Variants in B3GNT3 observed in about 807,000 individuals in gnomAD.
The protein encoded by B3GNT3 is N-acetyllactosaminide beta-1,3-N-acetylglucosaminyltransferase 3.
B3GNT3 carries 7 observed loss-of-function variants against 11.6 expected under a neutral mutation model. The observed-to-expected ratio is 0.60, with a 90% CI of 0.34 to 1.13. B3GNT3 has a LOEUF of 1.13. Ranked by LOEUF, B3GNT3 falls within the 50% of genes most tolerant of loss-of-function variation. The probability of loss-of-function intolerance (pLI) is 0.03; values close to 1 mark genes in which losing one functional copy is unlikely to be tolerated. For missense variants in B3GNT3, 400 were observed against 507.4 expected, an observed-to-expected ratio of 0.79 and a Z score of 2.03; for synonymous variants, 201 against 222.1, an observed-to-expected ratio of 0.90 and a Z score of 0.85.
In B3GNT3 at chr19:17,812,074, G is replaced by A. The variant is rs1280318561; in HGVS notation, c.1071G>A (p.Ala357=). The change falls in exon 3 of 3, where the codon GCG becomes GCA. Residue 357 remains alanine, a synonymous_variant. Coordinates refer to ENST00000318683, the MANE Select transcript of B3GNT3 (RefSeq NM_014256.4). The part of the protein sequence containing the change: ...LPYEMLLMWD[A]LNQPNLTCGN... ...ATGAGATGCTGCTCATGTGGGATGC[G>A]CTGAACCAGCCCAACCTCACCTGCG... The A allele has an allele frequency of 1.3e-5, 21 of 1,598,502 alleles. No homozygotes were observed. Among genetic ancestry groups the A allele is most frequent in the Admixed American group, 3.3e-5 (2 of 59,980 alleles).
chr19:17,807,509 CAA>C (rs57567496), intron 1 of B3GNT3, among the ~76,000 whole-genome samples: 1 of 126,306 alleles, frequency 7.9e-6, no homozygotes. Context: ...GACGCTGTCT[CAA>C]AAAAAAAAAA....
At chr19:17,795,580 G>C (rs2094158664) in intron 1 of B3GNT3, among the ~76,000 whole-genome samples, 1 of 152,204 alleles carries the variant, frequency 6.6e-6, no homozygotes. Context: ...GAGTATCTGG[G>C]CAAGCCAGCG....
At chr19:17,800,100 C>T (rs756471353) in intron 1 of B3GNT3, among the ~76,000 whole-genome samples, 3 of 152,166 alleles carry the variant, frequency 2.0e-5, no homozygotes, top group East Asian at 3.9e-4. Flanking sequence ...TGAGACTGGG[C>T]GCAGTGGCTC....
In B3GNT3 at chr19:17,811,988, C is replaced by T. The variant is rs765094386; in HGVS notation, c.985C>T (p.Leu329=). 9 of 1,603,266 alleles carry T rather than the reference C, an allele frequency of 5.6e-6. No individual in the cohort carries two copies. Among genetic ancestry groups the T allele is most frequent in the Non-Finnish European group, 7.6e-6 (9 of 1,179,982 alleles). Residue 329 remains leucine, a synonymous_variant, in exon 3 of 3, where the codon CTG becomes TTG. Coordinates refer to ENST00000318683, the MANE Select transcript of B3GNT3 (RefSeq NM_014256.4). This position sits in a 1 kb window ranked among gnomAD's most constrained non-coding sequence, Gnocchi z 4.1. ...TSGVRAPSQR[L]SSFDPCFYRD... ...TGGCGTGCGGGCTCCATCGCAACGC[C>T]TGTCCTCCTTTGACCCCTGCTTCTA...
At chr19:17,807,570 C>T (rs1208178597) in intron 1 of B3GNT3, among the ~76,000 whole-genome samples, 188 bp from the exon 2 acceptor site, 1 of 151,298 alleles carries the variant, frequency 6.6e-6, no homozygotes, top group African/African-American at 2.4e-5. Flanking sequence ...AGGGCCAGGG[C>T]ACCTGTCAGA....
chr19:17,802,097 A>C (rs1036661729), intron 1 of B3GNT3, among the ~76,000 whole-genome samples: 5 of 151,580 alleles, frequency 3.3e-5, no homozygotes, highest in Non-Finnish European at 7.4e-5. Context: ...CCAAAAAAAA[A>C]AAAAAATCAT....
In B3GNT3 at chr19:17,811,155, AATGAACTATG is replaced by A. The variant is rs1310468983; in HGVS notation, c.568-413_568-404del. Among the ~76,000 whole-genome samples, 1 of 152,160 alleles carries A rather than the reference AATGAACTATG, an allele frequency of 6.6e-6. No homozygotes were observed. Among genetic ancestry groups the A allele is most frequent in the Admixed American group, 6.6e-5 (1 of 15,264 alleles). On this transcript the variant is annotated intron_variant, in intron 2 of 2. Transcript: ENST00000318683. This position sits in a 1 kb window ranked among gnomAD's most constrained non-coding sequence, Gnocchi z 4.1. Reference sequence around the variant, plus strand: ...CCTGAGCCCGGGAATTTGAGGCTGCAATGAACTATGATCATAGCGCTACACTCTAGCCTGG... The same window carrying A: ...CCTGAGCCCGGGAATTTGAGGCTGCAATCATAGCGCTACACTCTAGCCTGG...
intron 2 of B3GNT3, among the ~76,000 whole-genome samples, chr19:17,809,837 C>A (rs1207474594): frequency 1.3e-5 from 2 of 151,944 alleles, no homozygotes; most frequent in Non-Finnish European, 2.9e-5. Context: ...CTCTAAGAAC[C>A]CCTCCTAGGT....
In B3GNT3 at chr19:17,811,549, G is replaced by A. The variant is rs773894534; in HGVS notation, c.568-22G>A. 6.3e-7 allele frequency: 1 copy of A among 1,595,092 alleles called. No individual in the cohort carries two copies. The highest frequency in any genetic ancestry group is 8.6e-7 in the Non-Finnish European group (1 of 1,169,356). On this transcript the variant is annotated intron_variant, in intron 2 of 2. Coordinates refer to ENST00000318683, the MANE Select transcript of B3GNT3 (RefSeq NM_014256.4). This position sits in a 1 kb window ranked among gnomAD's most constrained non-coding sequence, Gnocchi z 4.1. ...ATTTCTCCAGCCCTCAAGCAAGCAT[G>A]CCCTGTCCACCCTGCCTGCAGGTCC...
rs1169164399 is a variant in B3GNT3 at position 17,813,507 on chromosome 19, C to CTGATAGA, written c.*1386_*1387insGATAGAT. The stretch of plus-strand genomic sequence containing the variant: ...GGAATTTCTATCAGGCAGATCTGAC[C>CTGATAGA]TCATCCCACCCACCCCCTGCTCAGA... On this transcript the variant is annotated 3_prime_UTR_variant, in exon 3 of 3. Coordinates refer to ENST00000318683, the MANE Select transcript of B3GNT3 (RefSeq NM_014256.4). 3.1e-3 allele frequency among the ~76,000 whole-genome samples: 474 copies of CTGATAGA among 152,160 alleles called. 3 individuals carry two copies. Among genetic ancestry groups the CTGATAGA allele is most frequent in the African/African-American group, 0.011 (442 of 41,522 alleles).
chr19:17,799,517 C>T (rs2094163427), intron 1 of B3GNT3, among the ~76,000 whole-genome samples: 1 of 152,086 alleles, frequency 6.6e-6, no homozygotes, highest in Non-Finnish European at 1.5e-5. Flanking sequence ...ATTCGCCCGC[C>T]TCTGCCTCCC....
chr19:17,808,635 A>T (rs1203204835), intron 2 of B3GNT3, among the ~76,000 whole-genome samples: 1 of 152,072 alleles, frequency 6.6e-6, no homozygotes, highest in Admixed American at 6.6e-5. Flanking sequence ...TCTGCCTCTT[A>T]CTTGGTGTTC....
chr19:17,809,765 A>T (rs1225008714), intron 2 of B3GNT3, among the ~76,000 whole-genome samples: 2 of 151,836 alleles, frequency 1.3e-5, no homozygotes, highest in East Asian at 1.9e-4. Flanking sequence ...CTATTTTTTT[A>T]AAAAAAGAAG....
At position 17,795,296 on chromosome 19, in the gene B3GNT3, C is replaced by G. The variant is rs1487584490; in HGVS notation, c.-51+90C>G. The G allele has an allele frequency of 2.0e-5, 3 of 152,228 alleles. No homozygotes were observed. The East Asian group carries it at 5.8e-4, about 29-fold the overall frequency. The allele number at this position is 152,228 out of a possible 1,614,324, so 9.4% of individuals were successfully genotyped here. On this transcript the variant is annotated intron_variant, in intron 1 of 2. Coordinates refer to ENST00000318683, the MANE Select transcript of B3GNT3 (RefSeq NM_014256.4). ...GTTGTGGCTCTGGAGAAGCCCCTGC[C>G]GGTCTCCACCGCGCATACCCTGCAG...
At chr19:17,799,514 C>T (rs928238187) in intron 1 of B3GNT3, among the ~76,000 whole-genome samples, 14 of 152,098 alleles carry the variant, frequency 9.2e-5, no homozygotes, top group Middle Eastern at 3.4e-3. Flanking sequence ...ATGATTCGCC[C>T]GCCTCTGCCT....
At chr19:17,809,097 G>T (rs765121022) in intron 2 of B3GNT3, among the ~76,000 whole-genome samples, 1 of 152,110 alleles carries the variant, frequency 6.6e-6, no homozygotes, top group African/African-American at 2.4e-5. Context: ...GCCTCCCAAA[G>T]TGCTGGGATT....
intron 1 of B3GNT3, among the ~76,000 whole-genome samples, chr19:17,802,809 C>T (rs1406369899): frequency 2.6e-5 from 4 of 152,058 alleles, no homozygotes; most frequent in Admixed American, 2.0e-4. Flanking sequence ...TCCCGAGTAG[C>T]TGGGACTAAA....
At chr19:17,801,019 T>C (rs925059836) in intron 1 of B3GNT3, among the ~76,000 whole-genome samples, 2 of 151,970 alleles carry the variant, frequency 1.3e-5, no homozygotes, top group African/African-American at 2.4e-5. Context: ...TATTCAAGTA[T>C]CATGTATGTG....
At chr19:17,807,728 C>A in intron 1 of B3GNT3, 30 bp from the exon 2 acceptor site, 2 of 1,354,326 alleles carry the variant, frequency 1.5e-6, no homozygotes, top group Non-Finnish European at 2.0e-6. Context: ...TTGCTCATGG[C>A]GAGTGTTCAG....
Sources: gnomAD v4.1 joint callset for allele counts (sites outside exome capture counted in the v4.1 genomes callset) on GRCh38, gnomAD v4.1.1 for gene constraint, Gnocchi (gnomAD v3.1) non-coding constraint, MANE v1.5 for transcripts, NCBI Gene and HGNC (gene_info 2026-07-23, HGNC 2026-07-21) for gene names.